VPS13D: variants seen among roughly 807,000 people sequenced by gnomAD.
VPS13D encodes the protein intermembrane lipid transfer protein VPS13D.
VPS13D carries 187 observed loss-of-function variants against 461.9 expected under a neutral mutation model. That is an observed-to-expected ratio of 0.40 (90% CI 0.36 to 0.46). The LOEUF (loss-of-function observed/expected upper bound fraction) is 0.46. Among genes scored for constraint, VPS13D ranks in the 20% least tolerant of loss-of-function variants. The pLI, the probability that VPS13D is intolerant of heterozygous loss-of-function variation, is 0.60. For synonymous variants in VPS13D, 1,951 were observed against 1,986.3 expected (o/e 0.98, Z 0.47); for missense variants, 4,711 against 5,364.9 (o/e 0.88, Z 3.81).
At chr1:12,441,127 T>C (rs1053742334) in intron 65 of VPS13D, among the ~76,000 whole-genome samples, 3 of 152,138 alleles carry the variant, frequency 2.0e-5, no homozygotes, top group Non-Finnish European at 4.4e-5. Context: ...GGTTTCGCCA[T>C]GTTGACCAGG....
At chr1:12,312,054 T>TAA in intron 29 of VPS13D, 129 bp downstream of exon 29, 4 of 564,016 alleles carry the variant, frequency 7.1e-6, no homozygotes, top group Non-Finnish European at 2.8e-6. Flanking sequence ...AGAGTGTCTT[T>TAA]TGGTTGATCT....
At chr1:12,479,629 G>A (rs1247560526) in intron 67 of VPS13D, among the ~76,000 whole-genome samples, 2 of 152,218 alleles carry the variant, frequency 1.3e-5, no homozygotes, top group African/African-American at 2.4e-5. Context: ...GAACCAGAAT[G>A]TGGACCCTGG....
In VPS13D at chr1:12,293,560, C is replaced by T. The variant is rs138874241; in HGVS notation, c.5889C>T (p.His1963=). The change falls in exon 24 of 70, where the codon CAC becomes CAT. Residue 1963 remains histidine, a synonymous_variant. Coordinates refer to ENST00000620676, the MANE Select transcript of VPS13D (RefSeq NM_015378.4). ...CTGACCCTCTGCTCCGGAGAGAACA[C>T]GACATTCGCGTGAGCCTCCGGATGG... ...GRPDPLLRRE[H]DIRVSLRMAS... 1.8e-4 allele frequency: 298 copies of T among 1,613,742 alleles called. 1 individual carries two copies. In the East Asian group the frequency reaches 5.0e-3, roughly 27 times the overall value.
At chr1:12,405,965 C>T (rs184417368) in intron 63 of VPS13D, among the ~76,000 whole-genome samples, 1 of 152,190 alleles carries the variant, frequency 6.6e-6, no homozygotes, top group African/African-American at 2.4e-5. Context: ...CCAGCCCCCC[C>T]CAGTTACATG....
At chr1:12,403,473 ATAAATT>A (rs1235500724) in intron 62 of VPS13D, among the ~76,000 whole-genome samples, 1 of 152,268 alleles carries the variant, frequency 6.6e-6, no homozygotes, top group Non-Finnish European at 1.5e-5. Flanking sequence ...TCCTAGGAAA[ATAAATT>A]TAGATAATCT....
intron 27 of VPS13D, among the ~76,000 whole-genome samples, chr1:12,309,856 T>TA (rs2101491298): frequency 6.6e-6 from 1 of 152,210 alleles, no homozygotes; most frequent in East Asian, 1.9e-4. Flanking sequence ...TCACAGTTCT[T>TA]GGTTTGGGCA....
chr1:12,288,935 G>A (rs1460993207), intron 22 of VPS13D, among the ~76,000 whole-genome samples: 1 of 152,130 alleles, frequency 6.6e-6, no homozygotes, highest in African/African-American at 2.4e-5. Flanking sequence ...TCTGCCTCCT[G>A]GATTCAAGCG....
chr1:12,377,070 T>A (rs1046490108), intron 55 of VPS13D, among the ~76,000 whole-genome samples: 11 of 151,958 alleles, frequency 7.2e-5, no homozygotes, highest in African/African-American at 2.7e-4. Flanking sequence ...TTTCTTTTTT[T>A]TTTTTTGAGA....
At chr1:12,301,248 G>A (rs1418839838) in intron 25 of VPS13D, among the ~76,000 whole-genome samples, 2 of 152,134 alleles carry the variant, frequency 1.3e-5, no homozygotes, top group Non-Finnish European at 2.9e-5. Flanking sequence ...ATTTAATTAT[G>A]ACATTAACCA....
intron 52 of VPS13D, among the ~76,000 whole-genome samples, chr1:12,363,968 A>G (rs1465755518): frequency 6.6e-6 from 1 of 150,974 alleles, no homozygotes; most frequent in African/African-American, 2.4e-5. Context: ...AAAAAAAAAA[A>G]AAAAAAAAAA....
intron 10 of VPS13D, 48 bp from the exon 11 acceptor site, chr1:12,260,645 T>G (rs1557669983): frequency 6.5e-7 from 1 of 1,547,652 alleles, no homozygotes; most frequent in South Asian, 1.1e-5. Context: ...TCTCTGGATC[T>G]ACAACGTTTG....
At chr1:12,438,166 A>G (rs1378165375) in intron 65 of VPS13D, among the ~76,000 whole-genome samples, 2 of 152,148 alleles carry the variant, frequency 1.3e-5, no homozygotes, top group African/African-American at 2.4e-5. Context: ...TTCTTATACT[A>G]TGGACTGAAT....
chr1:12,495,905 C>T lies in VPS13D; in HGVS notation c.12663-1595C>T, dbSNP rs1047123433. 3.3e-5 allele frequency among the ~76,000 whole-genome samples: 5 copies of T among 152,190 alleles called. No homozygotes were observed. The highest frequency in any genetic ancestry group is 6.5e-5 in the Admixed American group (1 of 15,288). On this transcript the variant is annotated intron_variant, in intron 67 of 69. Coordinates refer to ENST00000620676, the MANE Select transcript of VPS13D (RefSeq NM_015378.4). The surrounding 1 kb of genome is among the most constrained non-coding windows in gnomAD (Gnocchi z 4.0). The stretch of plus-strand genomic sequence containing the variant: ...CTGCTACGTGGAGAGGCACGCCAAG[C>T]TCCTTCCCCCAACCCCGCTGCCTGC...
At chr1:12,239,590 A>C (rs1033727919) in intron 2 of VPS13D, among the ~76,000 whole-genome samples, 1 of 152,238 alleles carries the variant, frequency 6.6e-6, no homozygotes, top group African/African-American at 2.4e-5. Context: ...TGCCATGTCA[A>C]GGAATCTGAA....
At chr1:12,312,484 G>T (rs1411597605) in intron 29 of VPS13D, among the ~76,000 whole-genome samples, 1 of 152,206 alleles carries the variant, frequency 6.6e-6, no homozygotes, top group Non-Finnish European at 1.5e-5. Flanking sequence ...GGGGCTAGGC[G>T]CAGTGGCTCA....
rs895075673 is a variant in VPS13D at position 12,349,172 on chromosome 1, G to A, written c.9229G>A (p.Val3077Met). The part of the protein sequence containing the change: ...DSPSAPDKPV[V>M]LPAIMPGDSF... ...CCTTATTTCTGTGGCAGAGCCAGTG[G>A]TGCTTCCTGCTATCATGCCAGGGGA... Residue 3077 changes from valine (V) to methionine (M), a missense_variant, in exon 46 of 70, where the codon GTG (valine) becomes ATG (methionine). Around this residue, in one of 3 missense-constraint regions of VPS13D, gnomAD observed 4,411 missense variants for 4,937.8 expected, o/e 0.89. Transcript: ENST00000620676. The A allele has an allele frequency of 1.2e-6, 2 of 1,613,466 alleles. No homozygotes were observed. The highest frequency in any genetic ancestry group is 2.7e-5 in the African/African-American group (2 of 74,910).
intron 30 of VPS13D, among the ~76,000 whole-genome samples, chr1:12,317,560 C>G (rs1023097572): frequency 2.0e-5 from 3 of 151,574 alleles, no homozygotes; most frequent in African/African-American, 7.3e-5. Flanking sequence ...CCTCTAGTTG[C>G]AATTGCAATT....
chr1:12,311,544 C>A lies in VPS13D; in HGVS notation c.6741C>A (p.Ile2247=), dbSNP rs747173703. The part of the protein sequence containing the change: ...CSLDLYKYKL[I]RGLLENNLGE... ...TGGATCTGTATAAATACAAGCTGATCCGCGGCTTATTAGAGAACAACCTGG... is the reference window on the plus strand; with the variant it reads ...TGGATCTGTATAAATACAAGCTGATACGCGGCTTATTAGAGAACAACCTGG... Residue 2247 remains isoleucine (I), a synonymous_variant, in exon 28 of 70, where the codon ATC becomes ATA. Transcript: ENST00000620676. 1.2e-6 allele frequency: 2 copies of A among 1,614,164 alleles called. No individual in the cohort carries two copies. The highest frequency in any genetic ancestry group is 1.1e-5 in the South Asian group (1 of 91,088).
At chr1:12,382,935 C>G in intron 57 of VPS13D, 41 bp from the exon 58 acceptor site, 1 of 1,575,364 alleles carries the variant, frequency 6.3e-7, no homozygotes, top group Non-Finnish European at 8.6e-7. Context: ...AAGTCAGTGC[C>G]TCTGTCTTTT....
Sources: allele counts gnomAD v4.1 joint callset (sites outside exome capture counted in the v4.1 genomes callset), GRCh38; gene constraint gnomAD v4.1.1; regional missense constraint gnomAD v4.1.1; non-coding constraint Gnocchi (gnomAD v3.1); transcripts MANE v1.5; gene names NCBI Gene and HGNC (gene_info 2026-07-23, HGNC 2026-07-21).